SVIL: variants seen among roughly 807,000 people sequenced by gnomAD.
SVIL encodes archvillin.
In SVIL, 101 loss-of-function variants were observed where a neutral mutation model predicts 240.4. The observed-to-expected ratio is 0.42, with a 90% CI of 0.36 to 0.50. The LOEUF (loss-of-function observed/expected upper bound fraction) is 0.50. Among genes scored for constraint, SVIL ranks in the 20% least tolerant of loss-of-function variants. The pLI is 0.01. For synonymous variants in SVIL, 999 were observed against 1,100.0 expected, an observed-to-expected ratio of 0.91 and a Z score of 1.82; for missense variants, 2,512 against 2,818.7, an observed-to-expected ratio of 0.89 and a Z score of 2.46.
intron 1 of SVIL, 138 bp downstream of exon 1, chr10:29,634,282 G>C (rs542771193): frequency 2.0e-4 from 31 of 151,600 alleles, no homozygotes; most frequent in African/African-American, 6.5e-4. Flanking sequence ...GCAAACGCTG[G>C]CAGGAATTTT....
intron 13 of SVIL, among the ~76,000 whole-genome samples, chr10:29,526,314 T>C (rs994730703): frequency 1.4e-5 from 2 of 146,534 alleles, no homozygotes; most frequent in African/African-American, 2.5e-5. Flanking sequence ...TCTTTTTTTT[T>C]TTTTTTTTTG....
At chr10:29,712,558 C>T (rs1351155311) in intron 1 of SVIL, among the ~76,000 whole-genome samples, 1 of 152,284 alleles carries the variant, frequency 6.6e-6, no homozygotes. Flanking sequence ...GCAGCAGAAT[C>T]GTGAGCCAAA....
intron 17 of SVIL, among the ~76,000 whole-genome samples, chr10:29,512,279 A>G (rs1949892917): frequency 6.6e-6 from 1 of 152,242 alleles, no homozygotes; most frequent in Non-Finnish European, 1.5e-5. Flanking sequence ...CGCTTAAATG[A>G]TGAACTAAAT....
At chr10:29,550,059 G>GAA (rs35956858) in intron 6 of SVIL, among the ~76,000 whole-genome samples, 7,785 of 131,390 alleles carry the variant, frequency 0.059, 725 homozygotes, top group African/African-American at 0.2. Flanking sequence ...AAAAGAAAAA[G>GAA]AAAAAAAAAA....
chr10:29,510,322 C>A (rs998064540), intron 17 of SVIL, among the ~76,000 whole-genome samples: 1 of 152,118 alleles, frequency 6.6e-6, no homozygotes, highest in Non-Finnish European at 1.5e-5. Flanking sequence ...CATCCTTTAT[C>A]GTACTTTTTT....
intron 1 of SVIL, among the ~76,000 whole-genome samples, chr10:29,606,836 C>A (rs1032965728): frequency 1.3e-5 from 2 of 152,046 alleles, no homozygotes; most frequent in Admixed American, 1.3e-4. Context: ...CTCATGGCAA[C>A]CTCTGCCTCC....
chr10:29,499,314 G>A (rs1458310856), intron 17 of SVIL, 51 bp from the exon 18 acceptor site: 1 of 1,609,418 alleles, frequency 6.2e-7, no homozygotes, highest in Non-Finnish European at 8.5e-7. Context: ...TGACAGCGGT[G>A]TGGACCTCAG....
intron 18 of SVIL, among the ~76,000 whole-genome samples, chr10:29,495,787 G>T (rs529469763): frequency 6.6e-6 from 1 of 152,322 alleles, no homozygotes; most frequent in Admixed American, 6.5e-5. Context: ...CCGAGAAGCA[G>T]AGTGGGGAAT....
At chr10:29,593,911 TG>T (rs1452522330) in intron 1 of SVIL, among the ~76,000 whole-genome samples, 7 of 152,054 alleles carry the variant, frequency 4.6e-5, no homozygotes, top group Non-Finnish European at 8.8e-5. Flanking sequence ...AGTGGTTCTC[TG>T]GGGTTGGGAG....
chr10:29,681,072 G>C (rs946982676), intron 2 of SVIL, among the ~76,000 whole-genome samples: 7 of 152,128 alleles, frequency 4.6e-5, no homozygotes, highest in African/African-American at 1.7e-4. Context: ...GCGGAAGAGA[G>C]GTGAGTTCCC....
At chr10:29,575,856 G>A (rs960295194) in intron 1 of SVIL, among the ~76,000 whole-genome samples, 1 of 152,046 alleles carries the variant, frequency 6.6e-6, no homozygotes, top group Non-Finnish European at 1.5e-5. Flanking sequence ...TTTTTTAAGG[G>A]TTGAGAAATA....
intron 34 of SVIL, among the ~76,000 whole-genome samples, chr10:29,464,954 C>T (rs1161207502): frequency 6.6e-6 from 1 of 152,206 alleles, no homozygotes; most frequent in Non-Finnish European, 1.5e-5. Context: ...AAGACCTGGG[C>T]TGGAGTCTTG....
At chr10:29,704,836 C>T (rs1405130264) in intron 1 of SVIL, among the ~76,000 whole-genome samples, 1 of 152,170 alleles carries the variant, frequency 6.6e-6, no homozygotes, top group Non-Finnish European at 1.5e-5. Flanking sequence ...AAAAGACATG[C>T]AGACACCTCT....
Position 29,533,401 on chromosome 10 carries a change from G to C in SVIL, c.966C>G (p.Leu322=). ...KEESARNSPE[L]ASESVTQRRH... is the part of the protein sequence containing the mutation. ...TCCTCTGAGTTACGGACTCTGAGGC[G>C]AGTTCAGGGCTGTTTCGAGCACTTT... Residue 322 remains leucine (L), a synonymous_variant, in exon 8 of 38, where the codon CTC becomes CTG. Transcript: ENST00000355867. 1.2e-6 allele frequency: 2 copies of C among 1,614,172 alleles called. No individual in the cohort carries two copies. The highest frequency in any genetic ancestry group is 1.7e-6 in the Non-Finnish European group (2 of 1,180,020).
intron 1 of SVIL, among the ~76,000 whole-genome samples, chr10:29,632,996 G>A (rs568259610): frequency 6.6e-6 from 1 of 152,312 alleles, no homozygotes; most frequent in African/African-American, 2.4e-5. Context: ...CACTTTGGGA[G>A]CCCAAGGTGG....
chr10:29,524,338 A>G (rs1327936135), intron 14 of SVIL, 134 bp downstream of exon 14: 4 of 1,381,288 alleles, frequency 2.9e-6, no homozygotes, highest in Non-Finnish European at 3.9e-6. Flanking sequence ...GAAGAAAGCT[A>G]TTACCAAATC....
chr10:29,506,826 ACAGAGGCCC>A (rs1564536043), intron 17 of SVIL, among the ~76,000 whole-genome samples: 14 of 146,236 alleles, frequency 9.6e-5, no homozygotes, highest in African/African-American at 2.5e-4. Context: ...CAGGGAAGGG[ACAGAGGCCC>A]TAGGAGGGAA....
chr10:29,652,884 TTA>T (rs1958883458), intron 3 of SVIL, among the ~76,000 whole-genome samples: 2 of 152,216 alleles, frequency 1.3e-5, no homozygotes, highest in Admixed American at 6.5e-5. Flanking sequence ...TTTAATCAAA[TTA>T]TCTTTTTATT....
At chr10:29,691,500 C>T (rs1001391646) in intron 1 of SVIL, among the ~76,000 whole-genome samples, 12 of 152,150 alleles carry the variant, frequency 7.9e-5, no homozygotes, top group South Asian at 2.1e-4. Context: ...CGTGAGCCAC[C>T]GCGCCCAGCC....
Sources: gnomAD v4.1 joint callset for allele counts (sites outside exome capture counted in the v4.1 genomes callset) on GRCh38, gnomAD v4.1.1 for gene constraint, MANE v1.5 for transcripts, NCBI Gene and HGNC (gene_info 2026-07-23, HGNC 2026-07-21) for gene names.